The following GPC5 variants were observed in gnomAD, a reference collection of about 807,000 sequenced individuals.
GPC5 encodes glypican-5.
Under a neutral mutation model 53.9 loss-of-function variants are expected in GPC5, and 47 were observed. That is an observed-to-expected ratio of 0.87 (90% CI 0.69 to 1.11). The LOEUF is 1.11. Among genes scored for constraint, GPC5 ranks in the 50% most tolerant of loss-of-function variants. GPC5 has a pLI of 0.00. For synonymous variants in GPC5, 286 were observed against 263.3 expected, an observed-to-expected ratio of 1.09 and a Z score of -0.84; for missense variants, 748 against 713.1, an observed-to-expected ratio of 1.05 and a Z score of -0.56.
chr13:91,704,556 C>T (rs954317252), intron 3 of GPC5, among the ~76,000 whole-genome samples: 5 of 152,148 alleles, frequency 3.3e-5, no homozygotes, highest in African/African-American at 7.2e-5. Flanking sequence ...TGAGTCACCT[C>T]AAATTGCCAG....
At chr13:92,859,945 C>T (rs1879124615) in intron 7 of GPC5, among the ~76,000 whole-genome samples, 1 of 151,988 alleles carries the variant, frequency 6.6e-6, no homozygotes, top group Non-Finnish European at 1.5e-5. Context: ...ACAATATTCC[C>T]TTCATCTTTA....
Position 92,478,582 on chromosome 13 carries a change from A to G in GPC5, c.1561+333593A>G, listed in dbSNP as rs184183192. 1.4e-3 allele frequency among the ~76,000 whole-genome samples: 207 copies of G among 152,330 alleles called. 1 individual carries two copies. Among genetic ancestry groups the G allele is most frequent in the African/African-American group, 4.6e-3 (192 of 41,588 alleles). On this transcript the variant is annotated intron_variant, in intron 7 of 7. Transcript: ENST00000377067. ...TGGTAATTTTTAATCAATAAACTGGAATATAATCAGATTGGGGAATATGTA... is the reference window on the plus strand; with the variant it reads ...TGGTAATTTTTAATCAATAAACTGGGATATAATCAGATTGGGGAATATGTA...
At chr13:92,330,874 G>T (rs1006647068) in intron 7 of GPC5, among the ~76,000 whole-genome samples, 1 of 152,114 alleles carries the variant, frequency 6.6e-6, no homozygotes, top group Non-Finnish European at 1.5e-5. Context: ...ATAGTGGCTT[G>T]CTCTTTCCTC....
At chr13:91,854,758 T>C (rs1005296653) in intron 5 of GPC5, among the ~76,000 whole-genome samples, 1 of 151,820 alleles carries the variant, frequency 6.6e-6, no homozygotes, top group Admixed American at 6.6e-5. Context: ...AAAACACTTA[T>C]TTTTATAAAA....
chr13:91,580,839 C>T (rs1432545039), intron 2 of GPC5, among the ~76,000 whole-genome samples: 2 of 152,110 alleles, frequency 1.3e-5, no homozygotes, highest in African/African-American at 4.8e-5. Flanking sequence ...ATGTATTAGT[C>T]CATTTTCACA....
intron 5 of GPC5, among the ~76,000 whole-genome samples, chr13:91,840,144 C>T (rs1387900969): frequency 6.6e-6 from 1 of 151,926 alleles, no homozygotes; most frequent in Non-Finnish European, 1.5e-5. Flanking sequence ...TACTGAAGTG[C>T]TTCAACATTA....
At chr13:91,998,869 G>C (rs2040528980) in intron 6 of GPC5, among the ~76,000 whole-genome samples, 1 of 152,194 alleles carries the variant, frequency 6.6e-6, no homozygotes, top group Non-Finnish European at 1.5e-5. Flanking sequence ...AAGCCACACA[G>C]AACTGAGTTA....
At chr13:91,462,415 A>G (rs1881989672) in intron 2 of GPC5, among the ~76,000 whole-genome samples, 1 of 152,138 alleles carries the variant, frequency 6.6e-6, no homozygotes, top group Non-Finnish European at 1.5e-5. Flanking sequence ...CCTCAGAATA[A>G]TGTGAGAGGT....
chr13:92,398,428 CAAAAAA>C (rs35873316), intron 7 of GPC5, among the ~76,000 whole-genome samples: 3 of 87,656 alleles, frequency 3.4e-5, no homozygotes, highest in Admixed American at 2.6e-4. Context: ...GACTCCGTCT[CAAAAAA>C]AAAAAAAAAA....
intron 7 of GPC5, among the ~76,000 whole-genome samples, chr13:92,409,691 C>T (rs903178758): frequency 6.6e-6 from 1 of 152,112 alleles, no homozygotes; most frequent in Admixed American, 6.6e-5. Flanking sequence ...TATCCTAGAG[C>T]AACAGTCACA....
At chr13:92,360,601 C>T (rs1000692561) in intron 7 of GPC5, among the ~76,000 whole-genome samples, 1 of 151,560 alleles carries the variant, frequency 6.6e-6, no homozygotes, top group African/African-American at 2.4e-5. Flanking sequence ...CACTCCTATT[C>T]AACATAGTAT....
chr13:91,986,650 C>A (rs570573971), intron 6 of GPC5, among the ~76,000 whole-genome samples: 1 of 152,298 alleles, frequency 6.6e-6, no homozygotes, highest in South Asian at 2.1e-4. Flanking sequence ...CCAACCATTA[C>A]TTTGTATAAC....
At chr13:92,565,883 A>G (rs1272381316) in intron 7 of GPC5, among the ~76,000 whole-genome samples, 1 of 152,122 alleles carries the variant, frequency 6.6e-6, no homozygotes, top group East Asian at 1.9e-4. Context: ...CCACATTTTT[A>G]CCCTTCTATT....
Position 92,773,966 on chromosome 13 carries a change from G to T in GPC5, c.1562-92316G>T, listed in dbSNP as rs535713371. ...TACATGGCAGCAGACAAGAGAGCAT[G>T]TGCAGGGGAACTCCCATTTATAAAA... On this transcript the variant is annotated intron_variant, in intron 7 of 7. Coordinates refer to ENST00000377067, the MANE Select transcript of GPC5 (RefSeq NM_004466.6). Among the ~76,000 whole-genome samples, 21 of 152,320 alleles carry T rather than the reference G, an allele frequency of 1.4e-4. No homozygotes were observed. The South Asian group carries it at 4.3e-3, about 32-fold the overall frequency.
rs545620737 is a variant in GPC5, at chr13:91,758,812, C to G, written c.1280+2392C>G. Among the ~76,000 whole-genome samples the G allele has an allele frequency of 5.3e-5, 8 of 152,234 alleles. No individual in the cohort carries two copies. In the South Asian group the frequency reaches 1.4e-3, roughly 28 times the overall value. ...CAAGTGCATAGAGACTCCAGTCTTT[C>G]GTGAACAAGCTTCACTGTGTCTTTA... On this transcript the variant is annotated intron_variant, in intron 5 of 7. Coordinates refer to ENST00000377067, the MANE Select transcript of GPC5 (RefSeq NM_004466.6).
intron 7 of GPC5, among the ~76,000 whole-genome samples, chr13:92,370,486 G>C (rs2043641227): frequency 6.6e-6 from 1 of 151,212 alleles, no homozygotes; most frequent in African/African-American, 2.4e-5. Context: ...CTAAAACCAA[G>C]ACATTAGTGG....
intron 2 of GPC5, among the ~76,000 whole-genome samples, chr13:91,546,120 A>G (rs1233377239): frequency 6.6e-6 from 1 of 152,102 alleles, no homozygotes. Context: ...CTTGTACATC[A>G]TTTAGGATAA....
At chr13:91,956,652 T>C (rs1303900350) in intron 6 of GPC5, among the ~76,000 whole-genome samples, 1 of 152,158 alleles carries the variant, frequency 6.6e-6, no homozygotes, top group Admixed American at 6.5e-5. Flanking sequence ...AGCAAGACTT[T>C]ACCACAGCTT....
At chr13:91,859,994 A>G (rs971842080) in intron 5 of GPC5, among the ~76,000 whole-genome samples, 1 of 152,098 alleles carries the variant, frequency 6.6e-6, no homozygotes, top group African/African-American at 2.4e-5. Context: ...CATAGTGTAT[A>G]TATGTAATTA....
Sources: gnomAD v4.1 joint callset for allele counts (sites outside exome capture counted in the v4.1 genomes callset) on GRCh38, gnomAD v4.1.1 for gene constraint, MANE v1.5 for transcripts, NCBI Gene and HGNC (gene_info 2026-07-23, HGNC 2026-07-21) for gene names.